LSS: variants seen among roughly 807,000 people sequenced by gnomAD.
LSS encodes the protein lanosterol synthase.
Under a neutral mutation model 110.3 loss-of-function variants are expected in LSS, and 90 were observed. The ratio of observed to expected loss-of-function variants is 0.82; its 90% confidence interval spans 0.69 to 0.97. The LOEUF (loss-of-function observed/expected upper bound fraction) is 0.97. LSS is among the 50% of genes least tolerant of loss of function. The probability of loss-of-function intolerance (pLI) is 0.00; values close to 1 mark genes in which losing one functional copy is unlikely to be tolerated. For synonymous variants in LSS, 433 were observed against 400.0 expected (o/e 1.08, Z -0.98); for missense variants, 927 against 990.0 (o/e 0.94, Z 0.85).
rs930502963 is a variant in LSS, at chr21:46,195,031, G to A, written c.1818-370C>T. Among the ~76,000 whole-genome samples the A allele has an allele frequency of 1.6e-4, 24 of 152,334 alleles. 1 individual carries two copies. Among genetic ancestry groups the A allele is most frequent in the Non-Finnish European group, 1.5e-5 (1 of 68,030 alleles). On this transcript the variant is annotated intron_variant, in intron 19 of 21. Transcript: ENST00000397728. ...CACGGCAGACTCTGGGAGACAGTGG[G>A]GCAGCTGGAGACAGGGCTGGGAGAG... is the stretch of plus-strand genomic sequence containing the variant.
At chr21:46,196,289 G>A in intron 17 of LSS, 22 bp from the exon 18 acceptor site, 1 of 1,607,528 alleles carries the variant, frequency 6.2e-7, no homozygotes, top group Non-Finnish European at 8.5e-7. Context: ...GATTGGTCCA[G>A]TGAACATTCT....
At chr21:46,219,416 G>A in intron 6 of LSS, 60 bp downstream of exon 6, 6 of 1,296,026 alleles carry the variant, frequency 4.6e-6, no homozygotes, top group Non-Finnish European at 6.4e-6. Flanking sequence ...CACGGTCCCT[G>A]TCACTCTACT....
At chr21:46,227,743 G>C (rs1010445318) in intron 2 of LSS, 53 bp from the exon 3 acceptor site, 1 of 1,599,856 alleles carries the variant, frequency 6.3e-7, no homozygotes, top group African/African-American at 1.3e-5. Flanking sequence ...ACTGTTGCCC[G>C]GCCAGAGGAA....
intron 15 of LSS, 35 bp from the exon 16 acceptor site, chr21:46,206,803 T>C (rs749632506): frequency 1.9e-6 from 3 of 1,545,258 alleles, no homozygotes; most frequent in East Asian, 2.2e-5. Context: ...AACTCGCCCA[T>C]GTGCTGAGCA....
chr21:46,192,916 T>C (rs1469231593), intron 20 of LSS: 1 of 422,874 alleles, frequency 2.4e-6, no homozygotes, highest in Non-Finnish European at 4.8e-6. Context: ...TGCATAGACC[T>C]GTATGTGCAT....
rs1303485726 is a variant in LSS at position 46,190,083 on chromosome 21, C to G, written c.*1021G>C. On this transcript the variant is annotated 3_prime_UTR_variant, in exon 22 of 22. Transcript: ENST00000397728. This position sits in a 1 kb window ranked among gnomAD's most constrained non-coding sequence, Gnocchi z 4.6. ...AGACTGGCGGCAGCCGTAGGGGTGC[C>G]CTGGGTATATGCCGGGCTCCCAGGG... 1.2e-5 allele frequency: 3 copies of G among 254,582 alleles called. 1 individual carries two copies. The highest frequency in any genetic ancestry group is 7.3e-5 in the African/African-American group (3 of 41,364). The allele number at this position is 254,582 out of a possible 1,614,324, so 15.8% of individuals were successfully genotyped here.
chr21:46,202,429 A>T (rs2079991884), intron 17 of LSS, among the ~76,000 whole-genome samples: 1 of 151,436 alleles, frequency 6.6e-6, no homozygotes, highest in Non-Finnish European at 1.5e-5. Flanking sequence ...AAATCTTAAT[A>T]TAAAAATCAC....
chr21:46,208,188 C>A, intron 14 of LSS, 63 bp downstream of exon 14: 1 of 1,483,682 alleles, frequency 6.7e-7, no homozygotes, highest in South Asian at 1.2e-5. Context: ...AGGGAAGGAC[C>A]CACCCTGCTG....
rs747507676 is a variant in LSS at position 46,191,871 on chromosome 21, G to A, written c.2067+10C>T. 4.3e-6 allele frequency: 7 copies of A among 1,611,318 alleles called. No homozygotes were observed. In the East Asian group the frequency reaches 1.6e-4, roughly 36 times the overall value. On this transcript the variant is annotated intron_variant, in intron 21 of 21. Coordinates refer to ENST00000397728, the MANE Select transcript of LSS (RefSeq NM_002340.6). ...CTGGGCCTTGTGCGCTCAGGTCCCT[G>A]GCGGCATACCTGCGGCCAGTCGCCA...
chr21:46,219,942 C>A (rs1436764348), intron 5 of LSS, among the ~76,000 whole-genome samples: 2 of 152,186 alleles, frequency 1.3e-5, no homozygotes, highest in Admixed American at 1.3e-4. Context: ...CTGGAGAAGG[C>A]AAGGTGGGGA....
intron 10 of LSS, among the ~76,000 whole-genome samples, chr21:46,213,409 A>G (rs1231453091): frequency 6.6e-6 from 1 of 152,152 alleles, no homozygotes; most frequent in Non-Finnish European, 1.5e-5. Context: ...CCTCCATGAC[A>G]GGGGCCCCAC....
rs936900992 is a variant in LSS at position 46,209,497 on chromosome 21, G to A, written c.1266+57C>T. ...GAGGTGGGCACTTCTGCCTGCAGGA[G>A]CTCCCAGCCCTGATCCCCCTCTTCA... On this transcript the variant is annotated intron_variant, in intron 13 of 21. Transcript: ENST00000397728. The surrounding 1 kb of genome is among the most constrained non-coding windows in gnomAD (Gnocchi z 4.4). 19 of 1,491,210 alleles carry A rather than the reference G, an allele frequency of 1.3e-5. No individual in the cohort carries two copies. The Admixed American group carries it at 3.6e-4, about 28-fold the overall frequency. The allele number at this position is 1,491,210 out of a possible 1,614,324, so 92.4% of individuals were successfully genotyped here.
chr21:46,191,663 C>G (rs1050286798), intron 21 of LSS, among the ~76,000 whole-genome samples: 24 of 152,364 alleles, frequency 1.6e-4, no homozygotes, highest in African/African-American at 4.6e-4. Context: ...GCTCCTCCCC[C>G]ACCCAGAGCA....
At chr21:46,212,915 G>C in intron 11 of LSS, 110 bp downstream of exon 11, 1 of 1,351,470 alleles carries the variant, frequency 7.4e-7, no homozygotes, top group Non-Finnish European at 1.0e-6. Flanking sequence ...CTAGTCGCAC[G>C]CTGCCGGGAC....
chr21:46,212,810 G>A (rs2080150404), intron 11 of LSS, among the ~76,000 whole-genome samples: 1 of 152,188 alleles, frequency 6.6e-6, no homozygotes, highest in African/African-American at 2.4e-5. Context: ...AAGCAAACAG[G>A]ACAGCTGCAG....
At position 46,222,668 on chromosome 21, in the gene LSS, G is replaced by A; in HGVS notation, c.390C>T (p.Tyr130=). The change falls in exon 4 of 22, where the codon TAC becomes TAT. Residue 130 remains tyrosine, a synonymous_variant. Transcript: ENST00000397728. ...PAGYREEIVR[Y]LRSVQLPDGG... Reference sequence around the variant, plus strand: ...CGTCAGGGAGCTGCACTGACCGCAGGTACCGCACAATCTCTTCTCTGTATC... The same window carrying A: ...CGTCAGGGAGCTGCACTGACCGCAGATACCGCACAATCTCTTCTCTGTATC... 6.2e-7 allele frequency: 1 copy of A among 1,613,870 alleles called. No individual in the cohort carries two copies. Among genetic ancestry groups the A allele is most frequent in the Non-Finnish European group, 8.5e-7 (1 of 1,180,030 alleles).
chr21:46,207,688 G>A (rs2080071349), intron 14 of LSS, 111 bp from the exon 15 acceptor site: 1 of 1,289,182 alleles, frequency 7.8e-7, no homozygotes, highest in Non-Finnish European at 1.1e-6. Context: ...GGTCAGGGCA[G>A]GGGCCCAGCC....
intron 6 of LSS, among the ~76,000 whole-genome samples, chr21:46,217,255 A>G (rs1428390999): frequency 8.1e-6 from 1 of 123,040 alleles, no homozygotes; most frequent in Non-Finnish European, 1.8e-5. Flanking sequence ...AAAAAAAAAA[A>G]AAGAAAAGAA....
chr21:46,228,604 G>A lies in LSS; in HGVS notation c.15-5C>T. 1.3e-6 allele frequency: 2 copies of A among 1,592,264 alleles called. No individual in the cohort carries two copies. Among genetic ancestry groups the A allele is most frequent in the Non-Finnish European group, 1.7e-6 (2 of 1,176,118 alleles). On this transcript the variant is annotated splice_polypyrimidine_tract_variant and splice_region_variant and intron_variant, in intron 1 of 21. Coordinates refer to ENST00000397728, the MANE Select transcript of LSS (RefSeq NM_002340.6). ...CCCCCTCGGCGCCGCAGACACCTGAGGACCACCGGCCATCAGCGACCCAGG... is the reference window on the plus strand; with the variant it reads ...CCCCCTCGGCGCCGCAGACACCTGAAGACCACCGGCCATCAGCGACCCAGG...
Sources: gnomAD v4.1 joint callset for allele counts (sites outside exome capture counted in the v4.1 genomes callset) on GRCh38, gnomAD v4.1.1 for gene constraint, Gnocchi (gnomAD v3.1) non-coding constraint, MANE v1.5 for transcripts, NCBI Gene and HGNC (gene_info 2026-07-23, HGNC 2026-07-21) for gene names.